SYT1: variants seen among roughly 807,000 people sequenced by gnomAD.
SYT1 encodes the protein synaptotagmin-1.
Under a neutral mutation model 44.8 loss-of-function variants are expected in SYT1, and 8 were observed. That is an observed-to-expected ratio of 0.18 (90% CI 0.10 to 0.32). SYT1 has a LOEUF of 0.32. SYT1 is among the 10% of genes least tolerant of loss of function. The pLI, the probability that SYT1 is intolerant of heterozygous loss-of-function variation, is 1.00. For synonymous variants in SYT1, 154 were observed against 188.8 expected (o/e 0.82, Z 1.51); for missense variants, 286 against 509.3 (o/e 0.56, Z 4.22).
At chr12:79,338,837 C>G (rs1428003439) in intron 8 of SYT1, among the ~76,000 whole-genome samples, 5 of 151,814 alleles carry the variant, frequency 3.3e-5, no homozygotes, top group Non-Finnish European at 7.4e-5. Flanking sequence ...GACCCCACAA[C>G]AGGCCCGTGT....
At chr12:79,307,438 C>T (rs1880450369) in intron 8 of SYT1, among the ~76,000 whole-genome samples, 3 of 152,114 alleles carry the variant, frequency 2.0e-5, no homozygotes, top group African/African-American at 4.8e-5. Context: ...AGGTATTGTG[C>T]TAACTTCAGG....
intron 1 of SYT1, among the ~76,000 whole-genome samples, chr12:78,974,356 A>G (rs933132902): frequency 6.6e-6 from 1 of 152,072 alleles, no homozygotes; most frequent in Non-Finnish European, 1.5e-5. Context: ...AAAATATAGC[A>G]TTACTTATAA....
At chr12:79,147,511 A>G (rs952145032) in intron 3 of SYT1, among the ~76,000 whole-genome samples, 2 of 152,200 alleles carry the variant, frequency 1.3e-5, no homozygotes, top group Non-Finnish European at 2.9e-5. Flanking sequence ...GAGTGTTACA[A>G]TGTTCGTTAC....
At chr12:79,063,657 C>T (rs1468147286) in intron 3 of SYT1, among the ~76,000 whole-genome samples, 1 of 152,070 alleles carries the variant, frequency 6.6e-6, no homozygotes, top group African/African-American at 2.4e-5. Flanking sequence ...ACCAGTATTT[C>T]CAAAACCCAA....
intron 4 of SYT1, among the ~76,000 whole-genome samples, chr12:79,229,373 G>T (rs562249910): frequency 2.0e-5 from 3 of 152,256 alleles, no homozygotes; most frequent in African/African-American, 7.2e-5. Flanking sequence ...TTTAGCCAAG[G>T]ATTGCTTTGT....
At chr12:78,892,929 A>G (rs543339618) in intron 1 of SYT1, among the ~76,000 whole-genome samples, 70 of 151,872 alleles carry the variant, frequency 4.6e-4, no homozygotes, top group Non-Finnish European at 8.8e-4. Context: ...TCTTGAATTG[A>G]AAAATTAGGA....
At position 79,419,269 on chromosome 12, in the gene SYT1, A is replaced by G. The variant is rs115256251; in HGVS notation, c.929-24804A>G. 503 of 526,416 alleles carry G rather than the reference A, an allele frequency of 9.6e-4. 2 individuals carry two copies. Among genetic ancestry groups the G allele is most frequent in the African/African-American group, 7.8e-3 (406 of 51,938 alleles). 32.6% of individuals were successfully genotyped at this position (526,416 alleles called of 1,614,324 possible). A position where few individuals can be genotyped will look rare whatever the true frequency, so the allele number is the denominator to read the frequency against. On this transcript the variant is annotated intron_variant, in intron 9 of 10. Coordinates refer to ENST00000261205, the MANE Select transcript of SYT1 (RefSeq NM_005639.3). The stretch of plus-strand genomic sequence containing the variant: ...AAATGTGAGGTGTAGAAAGAAGGAA[A>G]TTGAATTCATTTAGAAAAGAGAATT...
At chr12:79,253,514 TCTCTCTCTC>T (rs1565877267) in intron 4 of SYT1, among the ~76,000 whole-genome samples, 3 of 151,438 alleles carry the variant, frequency 2.0e-5, no homozygotes, top group Non-Finnish European at 2.9e-5. Context: ...TCTCTCTCTC[TCTCTCTCTC>T]TCACCTCAGA....
intron 4 of SYT1, among the ~76,000 whole-genome samples, chr12:79,234,037 C>T (rs996071991): frequency 6.6e-6 from 1 of 152,156 alleles, no homozygotes; most frequent in African/African-American, 2.4e-5. Context: ...TATTGAAAAT[C>T]TCGTCTCCCT....
intron 2 of SYT1, among the ~76,000 whole-genome samples, chr12:79,003,677 C>T (rs1020949044): frequency 5.3e-5 from 8 of 152,034 alleles, no homozygotes; most frequent in Admixed American, 2.0e-4. Flanking sequence ...TTTCTGAACT[C>T]CAGAATATGA....
chr12:79,169,162 T>C (rs1308194518), intron 3 of SYT1, among the ~76,000 whole-genome samples: 1 of 152,058 alleles, frequency 6.6e-6, no homozygotes, highest in African/African-American at 2.4e-5. Flanking sequence ...TTTACAGATA[T>C]TAACCCATTA....
intron 1 of SYT1, among the ~76,000 whole-genome samples, chr12:78,967,650 A>G (rs956044295): frequency 1.3e-5 from 2 of 152,150 alleles, no homozygotes; most frequent in African/African-American, 4.8e-5. Flanking sequence ...GGTTTAATAT[A>G]CCAGCAAGCC....
At chr12:78,999,021 A>G (rs1357786187) in intron 2 of SYT1, among the ~76,000 whole-genome samples, 2 of 152,196 alleles carry the variant, frequency 1.3e-5, no homozygotes, top group Non-Finnish European at 2.9e-5. Flanking sequence ...AGATAGTAAT[A>G]TTGATGTTCT....
rs532264094 is a variant in SYT1, at chr12:78,952,885, G to A, written c.-216-24914G>A. On this transcript the variant is annotated intron_variant, in intron 1 of 10. Transcript: ENST00000261205. ...TGCTGAGGGATTTTTGTTTTGTTTT[G>A]TTTTTCTTAAGCTGACTATTAAAAA... 2.0e-5 allele frequency among the ~76,000 whole-genome samples: 3 copies of A among 152,010 alleles called. No homozygotes were observed. The East Asian group carries it at 5.8e-4, about 30-fold the overall frequency.
intron 9 of SYT1, among the ~76,000 whole-genome samples, chr12:79,394,613 T>G (rs1317716557): frequency 6.6e-6 from 1 of 152,228 alleles, no homozygotes; most frequent in Admixed American, 6.5e-5. Flanking sequence ...TCAAAATTTA[T>G]ACATTTAAAG....
chr12:79,078,395 C>T (rs1477450075), intron 3 of SYT1, among the ~76,000 whole-genome samples: 1 of 152,040 alleles, frequency 6.6e-6, no homozygotes, highest in Non-Finnish European at 1.5e-5. Context: ...ATATAAAGCA[C>T]TTAGTTTAGT....
intron 4 of SYT1, among the ~76,000 whole-genome samples, chr12:79,258,278 T>C (rs1309869644): frequency 6.6e-6 from 1 of 152,226 alleles, no homozygotes; most frequent in Non-Finnish European, 1.5e-5. Context: ...TCTTTTCTTA[T>C]GTTTTTCTGA....
At chr12:78,901,023 AT>A (rs1324641796) in intron 1 of SYT1, among the ~76,000 whole-genome samples, 1 of 152,068 alleles carries the variant, frequency 6.6e-6, no homozygotes, top group East Asian at 1.9e-4. Flanking sequence ...AATCTAAACC[AT>A]TTATTTCACT....
intron 3 of SYT1, among the ~76,000 whole-genome samples, chr12:79,063,801 A>G (rs1046172515): frequency 1.3e-5 from 2 of 152,126 alleles, no homozygotes; most frequent in Admixed American, 1.3e-4. Context: ...ACCCTCCTCT[A>G]TCCCCCTTGG....
Sources: gnomAD v4.1 joint callset for allele counts (sites outside exome capture counted in the v4.1 genomes callset) on GRCh38, gnomAD v4.1.1 for gene constraint, MANE v1.5 for transcripts, NCBI Gene and HGNC (gene_info 2026-07-23, HGNC 2026-07-21) for gene names.